The following SH3BGRL2 variants were observed in gnomAD, a reference collection of about 807,000 sequenced individuals.
SH3BGRL2 encodes the protein SH3 domain-binding glutamic acid-rich-like protein 2.
In SH3BGRL2, 21 loss-of-function variants were observed where a neutral mutation model predicts 14.8. The ratio of observed to expected loss-of-function variants is 1.42; its 90% CI spans 1.01 to 2.05. The LOEUF (loss-of-function observed/expected upper bound fraction) is 2.05. Ranked by LOEUF, SH3BGRL2 falls within the 30% of genes most tolerant of loss-of-function variation. The probability of loss-of-function intolerance (pLI) is 0.00; values close to 1 mark genes in which losing one functional copy is unlikely to be tolerated. For missense variants in SH3BGRL2, 147 were observed against 130.8 expected, an observed-to-expected ratio of 1.12 and a Z score of -0.61; for synonymous variants, 50 against 47.8, an observed-to-expected ratio of 1.05 and a Z score of -0.19.
At chr6:79,680,555 G>A (rs562840697) in intron 2 of SH3BGRL2, among the ~76,000 whole-genome samples, 31 of 152,160 alleles carry the variant, frequency 2.0e-4, no homozygotes, top group African/African-American at 7.2e-4. Context: ...TGGCTGTTTA[G>A]GGTCCGTTGA....
At chr6:79,548,778 AT>A in the SH3BGRL2 span, among the ~76,000 whole-genome samples, 1 of 152,194 alleles carries the variant, frequency 6.6e-6, no homozygotes, top group African/African-American at 2.4e-5. Context: ...TTGCACAGTA[AT>A]TTATGGAAAC....
intron 1 of SH3BGRL2, among the ~76,000 whole-genome samples, chr6:79,671,293 C>T (rs547541051): frequency 6.6e-6 from 1 of 152,060 alleles, no homozygotes; most frequent in Non-Finnish European, 1.5e-5. Context: ...GTGGAGAAAC[C>T]CCATCTCTAC....
chr6:79,667,362 C>T (rs1368221029), intron 1 of SH3BGRL2, among the ~76,000 whole-genome samples: 2 of 151,858 alleles, frequency 1.3e-5, no homozygotes, highest in Non-Finnish European at 2.9e-5. Flanking sequence ...AATCTGTTTA[C>T]GTATCTAGTT....
chr6:79,617,504 T>C, the SH3BGRL2 span, among the ~76,000 whole-genome samples: 14 of 152,166 alleles, frequency 9.2e-5, no homozygotes, highest in Admixed American at 7.2e-4. Context: ...AAAAGGTCTT[T>C]ATACTTTTGT....
chr6:79,652,220 T>C lies in SH3BGRL2; in HGVS notation c.45+20714T>C, dbSNP rs145986404. 1.8e-4 allele frequency among the ~76,000 whole-genome samples: 28 copies of C among 152,232 alleles called. No individual in the cohort carries two copies. The East Asian group carries it at 4.8e-3, about 26-fold the overall frequency. ...CCTTTAAAGTGAAGACTCAGAAGTG[T>C]GTCTGCAGCAGGGCTACTCAAAGTG... On this transcript the variant is annotated intron_variant, in intron 1 of 3. Coordinates refer to ENST00000369838, the MANE Select transcript of SH3BGRL2 (RefSeq NM_031469.4).
At position 79,700,267 on chromosome 6, in the gene SH3BGRL2, G is replaced by A. The variant is rs1770428021; in HGVS notation, c.*758G>A. 6.6e-6 allele frequency: 1 copy of A among 152,092 alleles called. No individual in the cohort carries two copies. The highest frequency in any genetic ancestry group is 6.5e-5 in the Admixed American group (1 of 15,272). The allele number at this position is 152,092 out of a possible 1,614,324, so 9.4% of individuals were successfully genotyped here. A position where few individuals can be genotyped will look rare whatever the true frequency, so the allele number is the denominator to read the frequency against. ...ACTGCTTGAAAGATATATTTTAAGT[G>A]GTGCACTAATTAGTGAATATATAGG... is the stretch of plus-strand genomic sequence containing the variant. On this transcript the variant is annotated 3_prime_UTR_variant, in exon 4 of 4. Coordinates refer to ENST00000369838, the MANE Select transcript of SH3BGRL2 (RefSeq NM_031469.4).
chr6:79,582,048 G>T, the SH3BGRL2 span, among the ~76,000 whole-genome samples: 1 of 152,110 alleles, frequency 6.6e-6, no homozygotes, highest in Non-Finnish European at 1.5e-5. Flanking sequence ...GCCACTAAGA[G>T]AATAAAATAC....
Position 79,637,730 on chromosome 6 carries a change from A to G in SH3BGRL2, c.45+6224A>G, listed in dbSNP as rs573305147. On this transcript the variant is annotated intron_variant, in intron 1 of 3. Coordinates refer to ENST00000369838, the MANE Select transcript of SH3BGRL2 (RefSeq NM_031469.4). ...GAAAATGTATTTCACTTACAATTACATAAGAAAACAAATCGAGCTGATCAA... is the reference window on the plus strand; with the variant it reads ...GAAAATGTATTTCACTTACAATTACGTAAGAAAACAAATCGAGCTGATCAA... Among the ~76,000 whole-genome samples, 16 of 152,288 alleles carry G rather than the reference A, an allele frequency of 1.1e-4. No homozygotes were observed. In the East Asian group the frequency reaches 3.1e-3, roughly 29 times the overall value.
chr6:79,639,548 C>A (rs1768991097), intron 1 of SH3BGRL2, among the ~76,000 whole-genome samples: 2 of 152,198 alleles, frequency 1.3e-5, no homozygotes, highest in African/African-American at 4.8e-5. Flanking sequence ...CGAGATTGCA[C>A]TACTGCACTC....
At chr6:79,661,322 T>A (rs1418010743) in intron 1 of SH3BGRL2, among the ~76,000 whole-genome samples, 1 of 152,230 alleles carries the variant, frequency 6.6e-6, no homozygotes, top group African/African-American at 2.4e-5. Flanking sequence ...TAGATTCTGG[T>A]ATGTTGTGCC....
chr6:79,555,967 A>C, the SH3BGRL2 span, among the ~76,000 whole-genome samples: 1 of 152,196 alleles, frequency 6.6e-6, no homozygotes, highest in African/African-American at 2.4e-5. Flanking sequence ...AAACAGAAAG[A>C]ATTATTCACT....
chr6:79,662,529 G>T (rs1350761631), intron 1 of SH3BGRL2, among the ~76,000 whole-genome samples: 1 of 152,300 alleles, frequency 6.6e-6, no homozygotes, highest in East Asian at 1.9e-4. Flanking sequence ...TTAGTCTGAT[G>T]GGCTTCCCTT....
the SH3BGRL2 span, among the ~76,000 whole-genome samples, chr6:79,587,623 T>C: frequency 6.6e-6 from 1 of 152,366 alleles, no homozygotes; most frequent in African/African-American, 2.4e-5. Context: ...GTATTTGTTG[T>C]ATTATATATT....
At chr6:79,671,251 G>A (rs367707593) in intron 1 of SH3BGRL2, among the ~76,000 whole-genome samples, 1 of 152,296 alleles carries the variant, frequency 6.6e-6, no homozygotes, top group East Asian at 1.9e-4. Context: ...CAGATCACCT[G>A]AGGTCGGGAG....
At chr6:79,618,474 G>A in the SH3BGRL2 span, among the ~76,000 whole-genome samples, 8 of 152,162 alleles carry the variant, frequency 5.3e-5, no homozygotes, top group Admixed American at 1.3e-4. Flanking sequence ...TTGGGAGGCC[G>A]AGGCCGGCGG....
chr6:79,569,436 C>T, the SH3BGRL2 span, among the ~76,000 whole-genome samples: 1 of 152,154 alleles, frequency 6.6e-6, no homozygotes, highest in Non-Finnish European at 1.5e-5. Context: ...AAGAGATTCT[C>T]CCAAGAGACA....
intron 1 of SH3BGRL2, among the ~76,000 whole-genome samples, chr6:79,650,265 G>A (rs1361466814): frequency 1.3e-5 from 2 of 152,102 alleles, no homozygotes; most frequent in East Asian, 1.9e-4. Flanking sequence ...GACAGAAATA[G>A]CATTGAATCT....
chr6:79,559,227 G>T, the SH3BGRL2 span, among the ~76,000 whole-genome samples: 1 of 152,154 alleles, frequency 6.6e-6, no homozygotes, highest in Admixed American at 6.5e-5. Context: ...ACTTTGGGAG[G>T]ATGAGGTGGA....
chr6:79,597,673 A>C, the SH3BGRL2 span, among the ~76,000 whole-genome samples: 9 of 152,200 alleles, frequency 5.9e-5, no homozygotes, highest in Non-Finnish European at 1.3e-4. Flanking sequence ...AAGAAAACAT[A>C]AGCAAAAATC....
Sources: allele counts gnomAD v4.1 joint callset (sites outside exome capture counted in the v4.1 genomes callset), GRCh38; gene constraint gnomAD v4.1.1; transcripts MANE v1.5; gene names NCBI Gene and HGNC (gene_info 2026-07-23, HGNC 2026-07-21).